SPAST: variants seen among roughly 807,000 people sequenced by gnomAD.
The protein encoded by SPAST is spastin, also known as spastic paraplegia 4 (autosomal dominant; spastin).
Under a neutral mutation model 76.6 loss-of-function variants are expected in SPAST, and 30 were observed. That is an observed-to-expected ratio of 0.39 (90% CI 0.29 to 0.53). The LOEUF (loss-of-function observed/expected upper bound fraction) is 0.53, where lower values mean the gene tolerates loss of function less well. Among genes scored for constraint, SPAST ranks in the 20% least tolerant of loss-of-function variants. The pLI, the probability that SPAST is intolerant of heterozygous loss-of-function variation, is 0.68. For missense variants in SPAST, 717 were observed against 770.5 expected (o/e 0.93, Z 0.82); for synonymous variants, 305 against 281.0 (o/e 1.09, Z -0.86).
intron 4 of SPAST, among the ~76,000 whole-genome samples, chr2:32,111,983 T>C (rs148420027): frequency 6.8e-6 from 1 of 146,058 alleles, no homozygotes; most frequent in Non-Finnish European, 1.5e-5. Context: ...GTAGTAGTAG[T>C]AGTAGTAGTA....
At chr2:32,064,272 C>G (rs2148685942) in intron 1 of SPAST, 26 bp downstream of exon 1, 22 of 570,372 alleles carry the variant, frequency 3.9e-5, no homozygotes, top group Middle Eastern at 1.2e-3. Context: ...GGGGAGGGGG[C>G]GGCGGCGCCG....
chr2:32,069,387 C>G (rs1279374762), intron 1 of SPAST, among the ~76,000 whole-genome samples: 2 of 151,924 alleles, frequency 1.3e-5, no homozygotes, highest in African/African-American at 4.8e-5. Flanking sequence ...AACCTTAGTT[C>G]CAAGAGAATG....
In SPAST at chr2:32,116,207, C is replaced by T; in HGVS notation, c.1093C>T (p.Pro365Ser). ...QEIVILPSLR[P>S]ELFTGLRAPA... ...AATTGTTATTCTTCCTTCTCTGAGG[C>T]CTGAGGTAAGAACTTTATATTATCA... The change falls in exon 7 of 17, where the codon CCT (proline) becomes TCT (serine). Residue 365 changes from proline to serine, a missense_variant. Pro to Ser is a moderately conservative substitution (Grantham distance 74, BLOSUM62 -1). This residue lies in a region of SPAST where 78 missense variants were observed against 197.6 expected (regional missense o/e 0.39). Transcript: ENST00000315285. 1 of 1,607,008 alleles carries T rather than the reference C, an allele frequency of 6.2e-7. No homozygotes were observed. Among genetic ancestry groups the T allele is most frequent in the Non-Finnish European group, 8.5e-7 (1 of 1,173,872 alleles).
intron 9 of SPAST, among the ~76,000 whole-genome samples, chr2:32,132,524 T>C (rs1679403909): frequency 7.1e-6 from 1 of 140,206 alleles, no homozygotes; most frequent in South Asian, 2.6e-4. Context: ...TTAACAAAAC[T>C]CAATCTTTTT....
rs1384090182 is a variant in SPAST, at chr2:32,157,521, C to T, written c.*3025C>T. The T allele has an allele frequency of 6.6e-6, 1 of 152,524 alleles. No individual in the cohort carries two copies. The highest frequency in any genetic ancestry group is 6.6e-5 in the Admixed American group (1 of 15,256). 9.4% of individuals were successfully genotyped at this position (152,524 alleles called of 1,614,324 possible). On this transcript the variant is annotated 3_prime_UTR_variant, in exon 17 of 17. Coordinates refer to ENST00000315285, the MANE Select transcript of SPAST (RefSeq NM_014946.4). ...GAGTCAAAGGATTTTCCTTTAAATGCTTGTCTCAATTTTAGTCTGGTCTTT... is the reference window on the plus strand; with the variant it reads ...GAGTCAAAGGATTTTCCTTTAAATGTTTGTCTCAATTTTAGTCTGGTCTTT...
chr2:32,094,998 G>A (rs1677865510), intron 3 of SPAST, among the ~76,000 whole-genome samples: 1 of 152,188 alleles, frequency 6.6e-6, no homozygotes, highest in South Asian at 2.1e-4. Context: ...TTTAGGAAAG[G>A]AATGAAATAC....
intron 3 of SPAST, among the ~76,000 whole-genome samples, chr2:32,095,498 G>A (rs1677881639): frequency 6.6e-6 from 1 of 151,966 alleles, no homozygotes; most frequent in Non-Finnish European, 1.5e-5. Context: ...TTGGGAGGTT[G>A]AGTCGGGGGT....
intron 14 of SPAST, 21 bp downstream of exon 14, chr2:32,143,436 T>G (rs1679787190): frequency 1.4e-6 from 2 of 1,412,058 alleles, no homozygotes; most frequent in Admixed American, 1.7e-5. Flanking sequence ...TGGATTTGGT[T>G]TATCTTACAG....
chr2:32,079,313 C>G (rs1677102044), intron 1 of SPAST, among the ~76,000 whole-genome samples: 1 of 151,694 alleles, frequency 6.6e-6, no homozygotes, highest in Non-Finnish European at 1.5e-5. Context: ...CCCGGGAGTT[C>G]AAGACCAGCC....
In SPAST at chr2:32,154,236, A is replaced by G. The variant is rs528564555; in HGVS notation, c.1729-138A>G. ...TAGAAAATATATTTAAATGGCTGAC[A>G]TAATTTTCTAAGAATACATACACGT... On this transcript the variant is annotated intron_variant, in intron 16 of 16. Coordinates refer to ENST00000315285, the MANE Select transcript of SPAST (RefSeq NM_014946.4). 91 of 706,596 alleles carry G rather than the reference A, an allele frequency of 1.3e-4. No individual in the cohort carries two copies. In the African/African-American group the frequency reaches 1.6e-3, roughly 12 times the overall value. The allele number at this position is 706,596 out of a possible 1,614,324, so 43.8% of individuals were successfully genotyped here. A position where few individuals can be genotyped will look rare whatever the true frequency, so the allele number is the denominator to read the frequency against.
intron 1 of SPAST, among the ~76,000 whole-genome samples, chr2:32,082,495 G>A (rs964726324): frequency 6.6e-6 from 1 of 151,680 alleles, no homozygotes; most frequent in Non-Finnish European, 1.5e-5. Flanking sequence ...TCAGGAGTTC[G>A]AGACCAGCCT....
intron 2 of SPAST, 130 bp from the exon 3 acceptor site, chr2:32,089,389 TTTC>T (rs1488376949): frequency 6.7e-6 from 4 of 599,146 alleles, no homozygotes; most frequent in Non-Finnish European, 8.8e-6. Flanking sequence ...GGGTATACAT[TTTC>T]TTCTTTTTTT....
At chr2:32,103,581 C>T (rs1470053562) in intron 4 of SPAST, among the ~76,000 whole-genome samples, 3 of 152,034 alleles carry the variant, frequency 2.0e-5, no homozygotes, top group Admixed American at 6.6e-5. Flanking sequence ...TTAGATCTTT[C>T]CTGTTTTCTC....
chr2:32,146,750 A>C (rs963923478), intron 15 of SPAST, among the ~76,000 whole-genome samples: 2 of 150,076 alleles, frequency 1.3e-5, no homozygotes, highest in African/African-American at 4.9e-5. Flanking sequence ...CTGTAATCCC[A>C]GCTACTCAGG....
intron 1 of SPAST, among the ~76,000 whole-genome samples, chr2:32,065,357 C>G (rs1676468432): frequency 6.6e-6 from 1 of 151,978 alleles, no homozygotes. Context: ...AGGCATTGTG[C>G]TATTAGCTTT....
intron 8 of SPAST, 51 bp downstream of exon 8, chr2:32,127,073 A>G (rs1401173002): frequency 3.9e-6 from 5 of 1,270,306 alleles, no homozygotes; most frequent in South Asian, 3.6e-5. Context: ...TTGGGATAAT[A>G]TGAAAAAAAG....
intron 1 of SPAST, among the ~76,000 whole-genome samples, chr2:32,081,045 G>A (rs1278398752): frequency 2.0e-5 from 3 of 151,676 alleles, no homozygotes; most frequent in African/African-American, 7.3e-5. Context: ...CGCAGCCTCC[G>A]CCTCCTGGGT....
At chr2:32,081,975 G>A (rs1414578459) in intron 1 of SPAST, among the ~76,000 whole-genome samples, 1 of 115,716 alleles carries the variant, frequency 8.6e-6, no homozygotes, top group Admixed American at 8.5e-5. Flanking sequence ...TCAAACAGAT[G>A]TTTTTAAAAC....
At chr2:32,149,038 G>A (rs764976617) in intron 16 of SPAST, among the ~76,000 whole-genome samples, 6 of 151,306 alleles carry the variant, frequency 4.0e-5, no homozygotes, top group African/African-American at 7.3e-5. Context: ...ATAACTATAC[G>A]TTAATCCTTT....
Sources: allele counts gnomAD v4.1 joint callset (sites outside exome capture counted in the v4.1 genomes callset), GRCh38; gene constraint gnomAD v4.1.1; regional missense constraint gnomAD v4.1.1; transcripts MANE v1.5; gene names NCBI Gene and HGNC (gene_info 2026-07-23, HGNC 2026-07-21).